PSD2: variants seen among roughly 807,000 people sequenced by gnomAD.
PSD2 encodes the protein pleckstrin and Sec7 domain containing 2, also known as PH and SEC7 domain-containing protein 2.
Under a neutral mutation model 69.8 loss-of-function variants are expected in PSD2, and 38 were observed. The observed-to-expected ratio is 0.54, with a 90% CI of 0.42 to 0.71. The LOEUF is 0.71. Among genes scored for constraint, PSD2 ranks in the 30% least tolerant of loss-of-function variants. The pLI is 0.00. For missense variants in PSD2, 943 were observed against 1,014.5 expected (o/e 0.93, Z 0.96); for synonymous variants, 412 against 423.0 (o/e 0.97, Z 0.32).
At chr5:139,789,316 T>C in the PSD2 span, among the ~76,000 whole-genome samples, 1 of 152,204 alleles carries the variant, frequency 6.6e-6, no homozygotes, top group Non-Finnish European at 1.5e-5. Flanking sequence ...TGTGCTGTGA[T>C]AGAGGCAGAC....
chr5:139,838,038 C>T (rs1281062857), intron 12 of PSD2, among the ~76,000 whole-genome samples: 1 of 152,200 alleles, frequency 6.6e-6, no homozygotes, highest in Non-Finnish European at 1.5e-5. Flanking sequence ...GTTTAACAAG[C>T]CCTGCAGGGG....
chr5:139,810,083 A>G (rs1293582696), intron 2 of PSD2, among the ~76,000 whole-genome samples: 1 of 151,976 alleles, frequency 6.6e-6, no homozygotes, highest in Non-Finnish European at 1.5e-5. Context: ...CCCTCCCTCC[A>G]TCCCAAGCTG....
chr5:139,822,178 C>T (rs542961691), intron 6 of PSD2, among the ~76,000 whole-genome samples, 173 bp downstream of exon 6: 70 of 152,324 alleles, frequency 4.6e-4, no homozygotes, highest in African/African-American at 1.6e-3. Flanking sequence ...CTATGGCACA[C>T]GGTCTGCCTG....
intron 5 of PSD2, among the ~76,000 whole-genome samples, chr5:139,821,468 G>A (rs1760258964): frequency 6.6e-6 from 1 of 152,196 alleles, no homozygotes; most frequent in Non-Finnish European, 1.5e-5. Context: ...TTGGGCCTGG[G>A]GCTCAGCTGG....
chr5:139,752,944 AC>A, the PSD2 span, among the ~76,000 whole-genome samples: 1 of 114,460 alleles, frequency 8.7e-6, no homozygotes, highest in Non-Finnish European at 1.8e-5. Context: ...TCCGCCCCCT[AC>A]CCCCCATAAA....
At chr5:139,775,098 C>G in the PSD2 span, among the ~76,000 whole-genome samples, 10 of 152,344 alleles carry the variant, frequency 6.6e-5, no homozygotes, top group East Asian at 3.9e-4. Flanking sequence ...CAAGATGGAT[C>G]TGGAACCCAT....
At chr5:139,763,374 G>A in the PSD2 span, among the ~76,000 whole-genome samples, 2 of 152,284 alleles carry the variant, frequency 1.3e-5, no homozygotes, top group East Asian at 3.9e-4. Flanking sequence ...GGCTCCCCCT[G>A]GGGTGCCCAC....
Position 139,813,614 on chromosome 5 carries a change from T to C in PSD2, c.677T>C (p.Ile226Thr). The C allele has an allele frequency of 6.2e-7, 1 of 1,613,760 alleles. No individual in the cohort carries two copies. The highest frequency in any genetic ancestry group is 1.1e-5 in the South Asian group (1 of 91,068). ...GELGSPLRRSISSSRSENVLS... is the reference protein window; with the variant it reads ...GELGSPLRRSTSSSRSENVLS... Reference sequence around the variant, plus strand: ...CTGGGCAGCCCCCTGCGGCGCTCCATCTCCAGCAGCCGCTCTGAGAATGTC... The same window carrying C: ...CTGGGCAGCCCCCTGCGGCGCTCCACCTCCAGCAGCCGCTCTGAGAATGTC... Residue 226 changes from isoleucine to threonine, a missense_variant, in exon 3 of 15, where the codon ATC becomes ACC. By Grantham distance (89) the Ile-to-Thr change is moderately conservative. Coordinates refer to ENST00000274710, the MANE Select transcript of PSD2 (RefSeq NM_032289.4).
the PSD2 span, among the ~76,000 whole-genome samples, chr5:139,789,994 C>T: frequency 6.7e-6 from 1 of 148,186 alleles, no homozygotes; most frequent in East Asian, 1.9e-4. Flanking sequence ...AGCACGGGGC[C>T]GGGCGGGCGC....
At chr5:139,801,742 T>C (rs1230534902) in intron 1 of PSD2, among the ~76,000 whole-genome samples, 1 of 152,166 alleles carries the variant, frequency 6.6e-6, no homozygotes, top group Non-Finnish European at 1.5e-5. Flanking sequence ...ATCTCAACTT[T>C]CCTGTCTGTC....
At chr5:139,832,166 T>G (rs184274322) in intron 7 of PSD2, among the ~76,000 whole-genome samples, 3 of 152,368 alleles carry the variant, frequency 2.0e-5, no homozygotes, top group Admixed American at 6.5e-5. Context: ...GCCGTGTTAT[T>G]TTTTGATTTT....
intron 8 of PSD2, among the ~76,000 whole-genome samples, chr5:139,834,236 C>T (rs1431034013): frequency 4.6e-5 from 7 of 152,062 alleles, no homozygotes; most frequent in Admixed American, 3.3e-4. Context: ...GTCATTTCTC[C>T]ACTGAGGAAA....
intron 1 of PSD2, among the ~76,000 whole-genome samples, chr5:139,799,778 G>A (rs1273656067): frequency 1.3e-5 from 2 of 152,030 alleles, no homozygotes; most frequent in Non-Finnish European, 2.9e-5. Context: ...TTGCTGGGGG[G>A]TATCGGAGAA....
the PSD2 span, among the ~76,000 whole-genome samples, chr5:139,760,022 G>A: frequency 9.9e-5 from 15 of 152,218 alleles, no homozygotes; most frequent in African/African-American, 2.7e-4. Flanking sequence ...AAAGGCCTTC[G>A]CTGTTCAGGC....
chr5:139,817,824 A>G (rs1760159351), intron 5 of PSD2, among the ~76,000 whole-genome samples: 1 of 152,130 alleles, frequency 6.6e-6, no homozygotes, highest in African/African-American at 2.4e-5. Context: ...GCCTGTATTG[A>G]GCACTTCCTG....
At position 139,823,028 on chromosome 5, in the gene PSD2, C is replaced by G. The variant is rs140532226; in HGVS notation, c.1269+244C>G. ...GGCCACGGGAGTTTAAGATGAGCCACAAATGTGTGCCTCTCGTCCATGCTA... is the reference window on the plus strand; with the variant it reads ...GGCCACGGGAGTTTAAGATGAGCCAGAAATGTGTGCCTCTCGTCCATGCTA... On this transcript the variant is annotated intron_variant, in intron 7 of 14. Transcript: ENST00000274710. 3.9e-5 allele frequency among the ~76,000 whole-genome samples: 6 copies of G among 152,304 alleles called. No homozygotes were observed. In the East Asian group the frequency reaches 1.2e-3, roughly 29 times the overall value.
chr5:139,768,964 G>A, the PSD2 span, among the ~76,000 whole-genome samples: 11 of 152,238 alleles, frequency 7.2e-5, no homozygotes, highest in South Asian at 2.1e-4. Flanking sequence ...CACCTACTAC[G>A]TGTTGGGGTC....
chr5:139,775,949 G>A, the PSD2 span, among the ~76,000 whole-genome samples: 1 of 152,220 alleles, frequency 6.6e-6, no homozygotes, highest in Admixed American at 6.5e-5. Flanking sequence ...GATTACAGGC[G>A]TGAGCCACTG....
chr5:139,808,994 G>A (rs941373194), intron 1 of PSD2, among the ~76,000 whole-genome samples: 2 of 152,304 alleles, frequency 1.3e-5, no homozygotes, highest in African/African-American at 4.8e-5. Context: ...CTAGGGGACC[G>A]GCTGCTGACA....
Sources: gnomAD v4.1 joint callset for allele counts (sites outside exome capture counted in the v4.1 genomes callset) on GRCh38, gnomAD v4.1.1 for gene constraint, MANE v1.5 for transcripts, NCBI Gene and HGNC (gene_info 2026-07-23, HGNC 2026-07-21) for gene names.